FCHO2: variants seen among roughly 807,000 people sequenced by gnomAD.
FCHO2 encodes FCH and mu domain containing endocytic adaptor 2.
A neutral mutation model predicts 114.1 loss-of-function variants in FCHO2; 43 were observed. The observed-to-expected ratio is 0.38, with a 90% CI of 0.30 to 0.49. The LOEUF (loss-of-function observed/expected upper bound fraction) is 0.49, where lower values mean the gene tolerates loss of function less well. Among genes scored for constraint, FCHO2 ranks in the 20% least tolerant of loss-of-function variants. FCHO2 has a pLI of 0.97. For synonymous variants in FCHO2, 293 were observed against 315.2 expected (o/e 0.93, Z 0.75); for missense variants, 807 against 950.4 (o/e 0.85, Z 1.98).
chr5:73,015,139 C>T (rs1368569722), intron 6 of FCHO2, among the ~76,000 whole-genome samples: 1 of 145,986 alleles, frequency 6.8e-6, no homozygotes, highest in Non-Finnish European at 1.5e-5. Context: ...TAAGAAATGA[C>T]ATAACAAAAA....
intron 11 of FCHO2, 124 bp downstream of exon 11, chr5:73,041,439 A>G (rs1279821300): frequency 9.2e-6 from 5 of 544,314 alleles, no homozygotes; most frequent in Non-Finnish European, 1.3e-5. Context: ...TTGTAAATTC[A>G]CTATTAAAAT....
At chr5:72,981,766 A>G (rs768910594) in intron 2 of FCHO2, among the ~76,000 whole-genome samples, 2 of 152,216 alleles carry the variant, frequency 1.3e-5, no homozygotes, top group South Asian at 4.2e-4. Flanking sequence ...ATGCTTCACA[A>G]AGTTCTCATG....
At chr5:73,010,914 C>CT (rs1475564129) in intron 6 of FCHO2, among the ~76,000 whole-genome samples, 2 of 139,320 alleles carry the variant, frequency 1.4e-5, no homozygotes, top group African/African-American at 2.6e-5. Flanking sequence ...AGAGAATGTA[C>CT]TTACTTACAC....
chr5:73,038,620 C>T (rs1756651241), intron 10 of FCHO2, among the ~76,000 whole-genome samples: 1 of 152,114 alleles, frequency 6.6e-6, no homozygotes, highest in South Asian at 2.1e-4. Flanking sequence ...TTGCTTTCTA[C>T]CTAGTTATAT....
chr5:73,057,053 A>G (rs1757630157), intron 16 of FCHO2, among the ~76,000 whole-genome samples: 1 of 151,712 alleles, frequency 6.6e-6, no homozygotes, highest in African/African-American at 2.4e-5. Flanking sequence ...TCAACGTCCC[A>G]GGCTCAAATG....
intron 5 of FCHO2, chr5:72,996,926 C>A: frequency 1.9e-6 from 3 of 1,595,692 alleles, no homozygotes; most frequent in Non-Finnish European, 2.6e-6. Flanking sequence ...CAGGATGATG[C>A]GGACGCAGTG....
At chr5:73,027,014 G>GTTT (rs1274762402) in intron 8 of FCHO2, among the ~76,000 whole-genome samples, 1 of 114,866 alleles carries the variant, frequency 8.7e-6, no homozygotes, top group African/African-American at 3.2e-5. Context: ...TTTTTTGTTT[G>GTTT]TTTGTTTTTT....
rs117455298 is a variant in FCHO2, at chr5:73,003,949, G to A, written c.496-2496G>A. On this transcript the variant is annotated intron_variant, in intron 5 of 25. Transcript: ENST00000430046. ...TGTAATTCCAGCTACTTGGGAGACC[G>A]AGGCAGGAGAAGCGCTTGAATCCGG... 3.5e-3 allele frequency among the ~76,000 whole-genome samples: 533 copies of A among 150,882 alleles called. 12 individuals are homozygous for A. Among genetic ancestry groups the A allele is most frequent in the East Asian group, 0.026 (131 of 5,070 alleles).
intron 5 of FCHO2, among the ~76,000 whole-genome samples, chr5:72,995,295 A>G (rs1310288259): frequency 6.0e-5 from 9 of 150,924 alleles, no homozygotes; most frequent in Non-Finnish European, 7.4e-5. Flanking sequence ...TCACTCTGTT[A>G]CCCAGGCTAG....
At chr5:73,061,646 C>G (rs913658620) in intron 17 of FCHO2, among the ~76,000 whole-genome samples, 2 of 152,034 alleles carry the variant, frequency 1.3e-5, no homozygotes, top group Non-Finnish European at 2.9e-5. Context: ...CAGCACCACT[C>G]GAGAGCACAG....
intron 1 of FCHO2, among the ~76,000 whole-genome samples, chr5:72,960,577 A>G (rs574841494): frequency 2.0e-5 from 3 of 152,330 alleles, no homozygotes; most frequent in African/African-American, 7.2e-5. Flanking sequence ...AAAGATATTG[A>G]TCAGTATTAC....
Position 73,041,292 on chromosome 5 carries a change from G to A in FCHO2, c.916G>A (p.Glu306Lys). The A allele has an allele frequency of 6.8e-7, 1 of 1,478,862 alleles. No individual in the cohort carries two copies. Among genetic ancestry groups the A allele is most frequent in the Non-Finnish European group, 9.4e-7 (1 of 1,064,420 alleles). The allele number at this position is 1,478,862 out of a possible 1,614,324, so 91.6% of individuals were successfully genotyped here. A position where few individuals can be genotyped will look rare whatever the true frequency, so the allele number is the denominator to read the frequency against. ...ATTTCTGATATTTTGTTTTAATAGG[G>A]AATGTCCTGATGCAGATTCATTGGT... ...IKKEKDAESVECPDADSLNIP... is the reference protein window; with the variant it reads ...IKKEKDAESVKCPDADSLNIP... The change falls in exon 11 of 26, where the codon GAA becomes AAA. Residue 306 changes from glutamate (E) to lysine (K), a missense_variant and splice_region_variant. Physicochemically the swap from Glu to Lys is moderately conservative, Grantham distance 56. Transcript: ENST00000430046.
At chr5:72,998,378 T>C (rs1431991431) in intron 5 of FCHO2, among the ~76,000 whole-genome samples, 1 of 151,796 alleles carries the variant, frequency 6.6e-6, no homozygotes, top group Admixed American at 6.6e-5. Flanking sequence ...TCCCAGCTAC[T>C]CTGGAGGCTG....
chr5:73,088,420 A>G lies in FCHO2; in HGVS notation c.*330A>G, dbSNP rs1273650812. 3.4e-5 allele frequency: 8 copies of G among 234,244 alleles called. No homozygotes were observed. Among genetic ancestry groups the G allele is most frequent in the Non-Finnish European group, 6.7e-5 (8 of 119,172 alleles). The allele number at this position is 234,244 out of a possible 1,614,324, so 14.5% of individuals were successfully genotyped here. On this transcript the variant is annotated 3_prime_UTR_variant, in exon 26 of 26. Transcript: ENST00000430046. ...AGGGTTATAGTGTAATATCAGGCCT[A>G]AAGTTTCAGAAGAGCAAGCACAAAG... is the stretch of plus-strand genomic sequence containing the variant.
chr5:73,087,885 C>T (rs1008595419), intron 25 of FCHO2, 132 bp downstream of exon 25: 1 of 1,391,520 alleles, frequency 7.2e-7, no homozygotes, highest in Non-Finnish European at 9.8e-7. Context: ...GTACAAGGTG[C>T]CAGGTAGAGA....
intron 8 of FCHO2, among the ~76,000 whole-genome samples, chr5:73,020,192 A>G (rs1755544622): frequency 6.6e-6 from 1 of 152,230 alleles, no homozygotes; most frequent in Non-Finnish European, 1.5e-5. Context: ...AGTAGAACAG[A>G]TTAGATTTTG....
intron 5 of FCHO2, among the ~76,000 whole-genome samples, chr5:72,995,239 A>G (rs955008532): frequency 6.6e-6 from 1 of 151,950 alleles, no homozygotes; most frequent in Non-Finnish European, 1.5e-5. Flanking sequence ...TGCTTATGAC[A>G]GAATACCTGA....
intron 2 of FCHO2, 102 bp downstream of exon 2, chr5:72,968,691 TAA>T: frequency 1.2e-6 from 1 of 820,348 alleles, no homozygotes; most frequent in Non-Finnish European, 1.8e-6. Flanking sequence ...TGGAATAAAG[TAA>T]TTGTTTTAAA....
intron 14 of FCHO2, 64 bp downstream of exon 14, chr5:73,054,235 G>T: frequency 7.6e-7 from 1 of 1,316,438 alleles, no homozygotes; most frequent in South Asian, 1.5e-5. Flanking sequence ...TTGGAAGATT[G>T]ACTTTCAAAA....
Sources: gnomAD v4.1 joint callset for allele counts (sites outside exome capture counted in the v4.1 genomes callset) on GRCh38, gnomAD v4.1.1 for gene constraint, MANE v1.5 for transcripts, NCBI Gene and HGNC (gene_info 2026-07-23, HGNC 2026-07-21) for gene names.